PTPRB: variants seen among roughly 807,000 people sequenced by gnomAD.
PTPRB encodes receptor-type tyrosine-protein phosphatase beta.
In PTPRB, 97 loss-of-function variants were observed where a neutral mutation model predicts 238.1. That is an observed-to-expected ratio of 0.41 (90% CI 0.35 to 0.48). PTPRB has a LOEUF of 0.48. Among genes scored for constraint, PTPRB ranks in the 20% least tolerant of loss-of-function variants. The pLI is 0.30. For synonymous variants in PTPRB, 970 were observed against 995.4 expected, an observed-to-expected ratio of 0.97 and a Z score of 0.48; for missense variants, 2,292 against 2,681.9, an observed-to-expected ratio of 0.85 and a Z score of 3.21.
intron 9 of PTPRB, chr12:70,585,403 C>G (rs538033797): frequency 6.6e-6 from 1 of 152,220 alleles, no homozygotes; most frequent in Non-Finnish European, 1.5e-5. Context: ...CGGTTTGGCT[C>G]TGTGTCCCCA....
intron 3 of PTPRB, among the ~76,000 whole-genome samples, chr12:70,619,786 T>G (rs186946710): frequency 5.3e-5 from 8 of 152,298 alleles, no homozygotes; most frequent in Non-Finnish European, 8.8e-5. Flanking sequence ...TTTACACAAT[T>G]CCAAGCAATT....
At chr12:70,631,850 CAG>C (rs1259862496) in intron 2 of PTPRB, among the ~76,000 whole-genome samples, 1 of 152,186 alleles carries the variant, frequency 6.6e-6, no homozygotes. Context: ...CACTGGTCAT[CAG>C]AGAAATGCAA....
chr12:70,542,928 C>A (rs1160956991), intron 22 of PTPRB: 2 of 150,424 alleles, frequency 1.3e-5, no homozygotes, highest in Non-Finnish European at 3.0e-5. Flanking sequence ...ATATATTACA[C>A]TATATATATA....
chr12:70,517,697 A>G lies in PTPRB; in HGVS notation c.*3792T>C, dbSNP rs1436331726. 1.3e-5 allele frequency: 2 copies of G among 152,120 alleles called. No individual in the cohort carries two copies. Among genetic ancestry groups the G allele is most frequent in the African/African-American group, 2.4e-5 (1 of 41,432 alleles). 9.4% of individuals were successfully genotyped at this position (152,120 alleles called of 1,614,324 possible). ...ATCATATACAAGCAGTTTATTACCT[A>G]TTGATTTTCACCAGGTCAGGTTTGG... On this transcript the variant is annotated 3_prime_UTR_variant, in exon 34 of 34. Transcript: ENST00000334414.
At chr12:70,608,963 T>C in intron 4 of PTPRB, 106 bp downstream of exon 4, 3 of 1,406,276 alleles carry the variant, frequency 2.1e-6, no homozygotes, top group Non-Finnish European at 1.9e-6. Context: ...CAGGTATTTT[T>C]ACCTTCATTT....
intron 4 of PTPRB, among the ~76,000 whole-genome samples, chr12:70,597,314 C>T (rs1225761398): frequency 1.3e-5 from 2 of 152,108 alleles, no homozygotes; most frequent in Admixed American, 6.5e-5. Flanking sequence ...AATCTTGCAC[C>T]CAGCTGTTCA....
chr12:70,599,349 T>TA (rs1883287159), intron 4 of PTPRB, among the ~76,000 whole-genome samples: 1 of 152,154 alleles, frequency 6.6e-6, no homozygotes, highest in Non-Finnish European at 1.5e-5. Context: ...CTACTTGACT[T>TA]ATATAATTTA....
At chr12:70,540,281 T>A in intron 23 of PTPRB, 1 of 368,008 alleles carries the variant, frequency 2.7e-6, no homozygotes. Context: ...CTTCCCACAT[T>A]CTCAATAAAA....
At chr12:70,606,130 GATAAAGCTCTGTTGCCACTTTCATC>G (rs1883923587) in intron 4 of PTPRB, among the ~76,000 whole-genome samples, 1 of 152,176 alleles carries the variant, frequency 6.6e-6, no homozygotes, top group Admixed American at 6.5e-5. Context: ...GAAAAGATGA[GATAAAGCTCTGTTGCCACTTTCATC>G]ATAACCGTCT....
rs1311944942 is a variant in PTPRB at position 70,517,128 on chromosome 12, T to TAAG, written c.*4358_*4360dup. 1 of 152,208 alleles carries TAAG rather than the reference T, an allele frequency of 6.6e-6. No individual in the cohort carries two copies. The highest frequency in any genetic ancestry group is 1.5e-5 in the Non-Finnish European group (1 of 68,036). 9.4% of individuals were successfully genotyped at this position (152,208 alleles called of 1,614,324 possible). A position where few individuals can be genotyped will look rare whatever the true frequency, so the allele number is the denominator to read the frequency against. On this transcript the variant is annotated 3_prime_UTR_variant, in exon 34 of 34. Coordinates refer to ENST00000334414, the MANE Select transcript of PTPRB (RefSeq NM_001109754.4). ...AAAGTCATCATGCACTACAAGAATCTAAGGCAGTGTGTCTAAAATGCCAAA... is the reference window on the plus strand; with the variant it reads ...AAAGTCATCATGCACTACAAGAATCTAAGAAGGCAGTGTGTCTAAAATGCCAAA...
intron 18 of PTPRB, among the ~76,000 whole-genome samples, chr12:70,557,657 C>A (rs1295484670): frequency 6.6e-6 from 1 of 152,196 alleles, no homozygotes; most frequent in East Asian, 1.9e-4. Flanking sequence ...AGTCTATCAA[C>A]CCCCATTTGG....
At chr12:70,595,756 G>C (rs1160175950) in intron 5 of PTPRB, among the ~76,000 whole-genome samples, 1 of 152,092 alleles carries the variant, frequency 6.6e-6, no homozygotes, top group East Asian at 1.9e-4. Context: ...TGTTGCTTTG[G>C]ATTTGAGTTA....
intron 31 of PTPRB, 132 bp from the exon 32 acceptor site, chr12:70,532,302 C>T (rs1309914348): frequency 3.6e-5 from 44 of 1,213,938 alleles, no homozygotes; most frequent in Non-Finnish European, 4.5e-5. Context: ...TTCTTTCTCT[C>T]AAATAAGTTT....
At chr12:70,619,157 A>AGT (rs3049143) in intron 3 of PTPRB, among the ~76,000 whole-genome samples, 28,906 of 141,992 alleles carry the variant, frequency 0.2, 2,804 homozygotes, top group East Asian at 0.3. Context: ...TGTTTAGGGG[A>AGT]GTGTGTGTGT....
At chr12:70,601,757 T>C (rs1440526715) in intron 4 of PTPRB, among the ~76,000 whole-genome samples, 1 of 151,840 alleles carries the variant, frequency 6.6e-6, no homozygotes, top group Non-Finnish European at 1.5e-5. Context: ...ATTAAATACA[T>C]TTCTAGAGAG....
At chr12:70,559,755 G>T in intron 17 of PTPRB, 131 bp from the exon 18 acceptor site, 1 of 864,634 alleles carries the variant, frequency 1.2e-6, no homozygotes, top group South Asian at 1.8e-5. Flanking sequence ...TAATAATATA[G>T]TAGCAGGAGC....
At chr12:70,554,961 A>G (rs1565935077) in intron 20 of PTPRB, among the ~76,000 whole-genome samples, 199 bp downstream of exon 20, 1 of 152,232 alleles carries the variant, frequency 6.6e-6, no homozygotes, top group Non-Finnish European at 1.5e-5. Context: ...AACCCAGAGG[A>G]TAACAGGCTT....
At chr12:70,564,324 C>G (rs1204878842) in intron 15 of PTPRB, among the ~76,000 whole-genome samples, 2 of 151,752 alleles carry the variant, frequency 1.3e-5, no homozygotes, top group Non-Finnish European at 2.9e-5. Context: ...CCAGCCTGGC[C>G]AACATGGTGA....
At chr12:70,597,008 C>G (rs1289568113) in intron 4 of PTPRB, among the ~76,000 whole-genome samples, 2 of 151,894 alleles carry the variant, frequency 1.3e-5, no homozygotes, top group Non-Finnish European at 2.9e-5. Context: ...ACCTCCGCCT[C>G]CCGGGTTCAA....
Sources: allele counts gnomAD v4.1 joint callset (sites outside exome capture counted in the v4.1 genomes callset), GRCh38; gene constraint gnomAD v4.1.1; transcripts MANE v1.5; gene names NCBI Gene and HGNC (gene_info 2026-07-23, HGNC 2026-07-21).